Variants in RETNLB observed in about 807,000 individuals in gnomAD.
RETNLB encodes resistin-like beta.
In RETNLB, 11 loss-of-function variants were observed where a neutral mutation model predicts 6.8. The observed-to-expected ratio is 1.62, with a 90% CI of 1.02 to 2.68. RETNLB has a LOEUF of 2.68. Among genes scored for constraint, RETNLB ranks in the 30% most tolerant of loss-of-function variants. The pLI is 0.00. For missense variants in RETNLB, 146 were observed against 135.7 expected, an observed-to-expected ratio of 1.08 and a Z score of -0.38; for synonymous variants, 57 against 54.2, an observed-to-expected ratio of 1.05 and a Z score of -0.23.
chr3:108,756,516 C>T lies in RETNLB; in HGVS notation c.200G>A (p.Cys67Tyr), dbSNP rs771470052. The T allele has an allele frequency of 3.1e-6, 5 of 1,609,822 alleles. No homozygotes were observed. Among genetic ancestry groups the T allele is most frequent in the Non-Finnish European group, 4.3e-6 (5 of 1,176,266 alleles). Residue 67 changes from cysteine (C) to tyrosine (Y), a missense_variant, in exon 2 of 3, where the codon TGC becomes TAC. By Grantham distance (194) the Cys-to-Tyr change is radical. Transcript: ENST00000295755. Reference sequence around the variant, plus strand: ...CTCAGGGAGTTACTCACCAGCAGGGCAGGAGGACGGTCTGCCTTGGCTTTT... The same window carrying T: ...CTCAGGGAGTTACTCACCAGCAGGGTAGGAGGACGGTCTGCCTTGGCTTTT... ...SVKSQGRPSSCPAGMAVTGCA... is the reference protein window; with the variant it reads ...SVKSQGRPSSYPAGMAVTGCA...
Position 108,757,300 on chromosome 3 carries a change from A to T in RETNLB, c.-115T>A, listed in dbSNP as rs547385561. 2.9e-5 allele frequency: 37 copies of T among 1,261,004 alleles called. No individual in the cohort carries two copies. The African/African-American group carries it at 4.3e-4, about 15-fold the overall frequency. 78.1% of individuals were successfully genotyped at this position (1,261,004 alleles called of 1,614,324 possible). A position where few individuals can be genotyped will look rare whatever the true frequency, so the allele number is the denominator to read the frequency against. ...ACAACGTGGTTAGTTTCCAGGGAGT[A>T]AAGATGGAAGAACAGCGTCATCAGT... On this transcript the variant is annotated 5_prime_UTR_variant, in exon 1 of 3. Coordinates refer to ENST00000295755, the MANE Select transcript of RETNLB (RefSeq NM_032579.3).
Position 108,755,967 on chromosome 3 carries a change from C to T in RETNLB, c.209-62G>A. ...TGGAATTTAAGAGGAGGAAGGGCTA[C>T]CCACAACCATCTTTCAACCCTGTGC... On this transcript the variant is annotated intron_variant, in intron 2 of 2. Transcript: ENST00000295755. 1.2e-6 allele frequency: 2 copies of T among 1,603,068 alleles called. 1 individual carries two copies. Among genetic ancestry groups the T allele is most frequent in the Non-Finnish European group, 1.7e-6 (2 of 1,170,604 alleles).
chr3:108,756,996 A>G, intron 1 of RETNLB, 63 bp downstream of exon 1: 2 of 1,562,456 alleles, frequency 1.3e-6, no homozygotes, highest in Non-Finnish European at 1.7e-6. Flanking sequence ...ACAAAGCTAG[A>G]GTTTAAGAAC....
chr3:108,756,116 A>C (rs1311585809), intron 2 of RETNLB, among the ~76,000 whole-genome samples: 2 of 152,240 alleles, frequency 1.3e-5, no homozygotes, highest in African/African-American at 4.8e-5. Context: ...GACTCATGCA[A>C]GTGAGAGACT....
chr3:108,757,148 G>GGGATTAGA lies in RETNLB; in HGVS notation c.37_38insTCTAATCC (p.Pro13LeufsTer2). 1 of 1,613,904 alleles carries GGGATTAGA rather than the reference G, an allele frequency of 6.2e-7. No homozygotes were observed. The highest frequency in any genetic ancestry group is 1.3e-5 in the African/African-American group (1 of 75,034). ...CCCCGGGTTGATCAGCTGGAGAAGG[G>GGGATTAGA]GGATTAGGATGAGAAGGAGGCAAGA... On this transcript the variant is annotated stop_gained and frameshift_variant, in exon 1 of 3. Coordinates refer to ENST00000295755, the MANE Select transcript of RETNLB (RefSeq NM_032579.3). LOFTEE classifies it high-confidence loss of function.
Position 108,757,047 on chromosome 3 carries a change from C to T in RETNLB, c.127+12G>A. 6.2e-7 allele frequency: 1 copy of T among 1,611,894 alleles called. No individual in the cohort carries two copies. The highest frequency in any genetic ancestry group is 1.7e-4 in the Middle Eastern group (1 of 6,050). ...GGGTCAACCCCCCGCTTCCCCTACCCCAGTCAGTTACCTAGACTGTTGAGA... is the reference window on the plus strand; with the variant it reads ...GGGTCAACCCCCCGCTTCCCCTACCTCAGTCAGTTACCTAGACTGTTGAGA... On this transcript the variant is annotated intron_variant, in intron 1 of 2. Coordinates refer to ENST00000295755, the MANE Select transcript of RETNLB (RefSeq NM_032579.3).
chr3:108,755,645 C>G lies in RETNLB; in HGVS notation c.*133G>C. 6 of 1,013,654 alleles carry G rather than the reference C, an allele frequency of 5.9e-6. No homozygotes were observed. In the South Asian group the frequency reaches 8.9e-5, roughly 15 times the overall value. 62.8% of individuals were successfully genotyped at this position (1,013,654 alleles called of 1,614,324 possible). A position where few individuals can be genotyped will look rare whatever the true frequency, so the allele number is the denominator to read the frequency against. ...GAGATGACATAAGCACAGAGAGGTA[C>G]AAAGTTTGTCTTTATTACCCAAGAA... On this transcript the variant is annotated 3_prime_UTR_variant, in exon 3 of 3. Transcript: ENST00000295755.
chr3:108,756,362 G>C, intron 2 of RETNLB, 146 bp downstream of exon 2: 2 of 636,784 alleles, frequency 3.1e-6, no homozygotes, highest in South Asian at 1.9e-5. Context: ...ATGGGCAAGG[G>C]GTCTCTGGGA....
chr3:108,757,271 G>A lies in RETNLB; in HGVS notation c.-86C>T. The A allele has an allele frequency of 2.0e-6, 3 of 1,480,612 alleles. No homozygotes were observed. In the South Asian group the frequency reaches 4.3e-5, roughly 21 times the overall value. 91.7% of individuals were successfully genotyped at this position (1,480,612 alleles called of 1,614,324 possible). A position where few individuals can be genotyped will look rare whatever the true frequency, so the allele number is the denominator to read the frequency against. The stretch of plus-strand genomic sequence containing the variant: ...AGCTCCTGGGTGGTGGTGAAGGAAA[G>A]AAGACAACGTGGTTAGTTTCCAGGG... On this transcript the variant is annotated 5_prime_UTR_variant, in exon 1 of 3. Coordinates refer to ENST00000295755, the MANE Select transcript of RETNLB (RefSeq NM_032579.3).
At chr3:108,756,475 G>A (rs756422721) in intron 2 of RETNLB, 33 bp downstream of exon 2, 19 of 1,409,222 alleles carry the variant, frequency 1.3e-5, no homozygotes, top group Non-Finnish European at 1.6e-5. Context: ...ACAGGGCATC[G>A]TAGTCGCCAT....
chr3:108,756,505 C>T lies in RETNLB; in HGVS notation c.208+3G>A. The stretch of plus-strand genomic sequence containing the variant: ...CGCCATTCCCTCTCAGGGAGTTACT[C>T]ACCAGCAGGGCAGGAGGACGGTCTG... On this transcript the variant is annotated splice_donor_region_variant and intron_variant, in intron 2 of 2. Coordinates refer to ENST00000295755, the MANE Select transcript of RETNLB (RefSeq NM_032579.3). The T allele has an allele frequency of 1.9e-6, 3 of 1,602,510 alleles. No homozygotes were observed. Among genetic ancestry groups the T allele is most frequent in the South Asian group, 1.1e-5 (1 of 90,830 alleles).
In RETNLB at chr3:108,755,683, CA is replaced by C; in HGVS notation, c.*94del. ...TATTACCCAAGAATCAGGAATGGAA[CA>C]AATGAAGTGGGACGTTTGAGTTAGA... On this transcript the variant is annotated 3_prime_UTR_variant, in exon 3 of 3. Transcript: ENST00000295755. The C allele has an allele frequency of 1.4e-6, 2 of 1,387,796 alleles. No individual in the cohort carries two copies. The highest frequency in any genetic ancestry group is 1.0e-6 in the Non-Finnish European group (1 of 990,658). 86.0% of individuals were successfully genotyped at this position (1,387,796 alleles called of 1,614,324 possible).
chr3:108,757,393 C>T lies in RETNLB; in HGVS notation c.-208G>A, dbSNP rs1945258297. The T allele has an allele frequency of 2.2e-6, 1 of 452,426 alleles. No homozygotes were observed. Among genetic ancestry groups the T allele is most frequent in the East Asian group, 3.5e-5 (1 of 28,324 alleles). 28.0% of individuals were successfully genotyped at this position (452,426 alleles called of 1,614,324 possible). On this transcript the variant is annotated 5_prime_UTR_variant, in exon 1 of 3. It removes an upstream start codon present in the reference 5' UTR. Coordinates refer to ENST00000295755, the MANE Select transcript of RETNLB (RefSeq NM_032579.3). Reference sequence around the variant, plus strand: ...TGAAGAACAGATTTATTCACCAAAACATTCAGAGAAGGTCTACAAGGACTA... The same window carrying T: ...TGAAGAACAGATTTATTCACCAAAATATTCAGAGAAGGTCTACAAGGACTA...
chr3:108,757,065 T>G lies in RETNLB; in HGVS notation c.121A>C (p.Ser41Arg), dbSNP rs1231667945. The G allele has an allele frequency of 6.2e-7, 1 of 1,613,406 alleles. No homozygotes were observed. The highest frequency in any genetic ancestry group is 1.3e-5 in the African/African-American group (1 of 74,906). Residue 41 changes from serine to arginine, a missense_variant, in exon 1 of 3, where the codon AGT becomes CGT. Transcript: ENST00000295755. The stretch of plus-strand genomic sequence containing the variant: ...CCCTACCCCAGTCAGTTACCTAGAC[T>G]GTTGAGAACATCCTTGATCTTCTTA... Reference protein sequence around the residue: ...MDKKIKDVLNSLEYSPSPISK... With the variant: ...MDKKIKDVLNRLEYSPSPISK...
rs79451420 is a variant in RETNLB at position 108,755,758 on chromosome 3, A to G, written c.*20T>C. The G allele has an allele frequency of 5.6e-3, 9,061 of 1,611,056 alleles. 203 individuals carry two copies. In the African/African-American group the frequency reaches 0.057, roughly 10 times the overall value. ...CATTACTGTCATGGTCACAAAACTG[A>G]GTTCTCAGCCTCCTCCCTGTCAGGT... On this transcript the variant is annotated 3_prime_UTR_variant, in exon 3 of 3. Transcript: ENST00000295755.
Position 108,757,307 on chromosome 3 carries a change from G to A in RETNLB, c.-122C>T, listed in dbSNP as rs530428108. 4.9e-5 allele frequency: 56 copies of A among 1,135,076 alleles called. No individual in the cohort carries two copies. In the South Asian group the frequency reaches 8.9e-4, roughly 18 times the overall value. 70.3% of individuals were successfully genotyped at this position (1,135,076 alleles called of 1,614,324 possible). A position where few individuals can be genotyped will look rare whatever the true frequency, so the allele number is the denominator to read the frequency against. Reference sequence around the variant, plus strand: ...GGTTAGTTTCCAGGGAGTAAAGATGGAAGAACAGCGTCATCAGTACTGGAT... The same window carrying A: ...GGTTAGTTTCCAGGGAGTAAAGATGAAAGAACAGCGTCATCAGTACTGGAT... On this transcript the variant is annotated 5_prime_UTR_variant, in exon 1 of 3. Coordinates refer to ENST00000295755, the MANE Select transcript of RETNLB (RefSeq NM_032579.3).
rs1324308234 is a variant in RETNLB at position 108,757,276 on chromosome 3, C to G, written c.-91G>C. The G allele has an allele frequency of 6.8e-7, 1 of 1,461,392 alleles. No homozygotes were observed. Among genetic ancestry groups the G allele is most frequent in the Admixed American group, 2.0e-5 (1 of 49,240 alleles). 90.5% of individuals were successfully genotyped at this position (1,461,392 alleles called of 1,614,324 possible). ...CTGGGTGGTGGTGAAGGAAAGAAGA[C>G]AACGTGGTTAGTTTCCAGGGAGTAA... On this transcript the variant is annotated 5_prime_UTR_variant, in exon 1 of 3. Coordinates refer to ENST00000295755, the MANE Select transcript of RETNLB (RefSeq NM_032579.3).
intron 2 of RETNLB, 123 bp downstream of exon 2, chr3:108,756,385 G>C: frequency 1.4e-6 from 1 of 700,910 alleles, no homozygotes; most frequent in East Asian, 2.6e-5. Flanking sequence ...CAAGAGTCAT[G>C]ACTCAGCCCC....
At chr3:108,756,083 C>T (rs1311622046) in intron 2 of RETNLB, among the ~76,000 whole-genome samples, 178 bp from the exon 3 acceptor site, 1 of 152,110 alleles carries the variant, frequency 6.6e-6, no homozygotes, top group Non-Finnish European at 1.5e-5. Context: ...ATCACAGAAA[C>T]AAATATTTGC....
Sources: gnomAD v4.1 joint callset for allele counts (sites outside exome capture counted in the v4.1 genomes callset) on GRCh38, gnomAD v4.1.1 for gene constraint, MANE v1.5 for transcripts, NCBI Gene and HGNC (gene_info 2026-07-23, HGNC 2026-07-21) for gene names.